Variants in PRSS23 observed in about 807,000 individuals in gnomAD.
PRSS23 encodes serine protease 23.
Under a neutral mutation model 34.7 loss-of-function variants are expected in PRSS23, and 25 were observed. The ratio of observed to expected loss-of-function variants is 0.72; its 90% confidence interval spans 0.53 to 1.01. The LOEUF (loss-of-function observed/expected upper bound fraction) is 1.01, where lower values mean the gene tolerates loss of function less well. PRSS23 is among the 50% of genes least tolerant of loss of function. The pLI is 0.00. For missense variants in PRSS23, 445 were observed against 475.6 expected (o/e 0.94, Z 0.60); for synonymous variants, 176 against 186.6 (o/e 0.94, Z 0.46).
intron 2 of PRSS23, among the ~76,000 whole-genome samples, chr11:86,895,447 T>C (rs1481748109): frequency 6.6e-6 from 1 of 151,912 alleles, no homozygotes; most frequent in African/African-American, 2.4e-5. Context: ...AATATCTGGA[T>C]TTTTTACTGT....
At chr11:86,831,963 G>A (rs960697902) in intron 2 of PRSS23, among the ~76,000 whole-genome samples, 26 of 151,556 alleles carry the variant, frequency 1.7e-4, no homozygotes, top group East Asian at 7.8e-4. Context: ...GATATTATTC[G>A]TAATATCCTA....
intron 1 of PRSS23, chr11:86,821,581 G>A (rs1391923606): frequency 3.1e-5 from 50 of 1,608,534 alleles, no homozygotes; most frequent in Non-Finnish European, 3.2e-5. Context: ...CAACAAGTCC[G>A]TTTAGCTCAA....
intron 2 of PRSS23, among the ~76,000 whole-genome samples, chr11:86,862,567 A>T (rs942795001): frequency 2.0e-5 from 3 of 151,716 alleles, no homozygotes; most frequent in African/African-American, 7.3e-5. Flanking sequence ...CCCAATATCC[A>T]AGGAGAATGC....
intron 2 of PRSS23, among the ~76,000 whole-genome samples, chr11:86,859,014 G>A (rs139119839): frequency 1.0e-3 from 155 of 151,600 alleles, no homozygotes; most frequent in African/African-American, 3.6e-3. Context: ...TCCCAATATC[G>A]CAGGGGTGTA....
intron 2 of PRSS23, among the ~76,000 whole-genome samples, chr11:86,916,151 A>G (rs771261821): frequency 6.6e-6 from 1 of 152,218 alleles, no homozygotes; most frequent in Non-Finnish European, 1.5e-5. Flanking sequence ...GCATACAAAT[A>G]TAATATTTAA....
At position 86,855,630 on chromosome 11, in the gene PRSS23, G is replaced by T. The variant is rs544302522; in HGVS notation, c.206+32037G>T. Reference sequence around the variant, plus strand: ...GCTGCCTCAGCCTCCCAAGTAGCTGGGACTGCAGGCATGCACCAGCACACC... The same window carrying T: ...GCTGCCTCAGCCTCCCAAGTAGCTGTGACTGCAGGCATGCACCAGCACACC... On this transcript the variant is annotated intron_variant, in intron 2 of 2. Coordinates refer to the PRSS23 transcript ENST00000533902. 6.6e-5 allele frequency among the ~76,000 whole-genome samples: 10 copies of T among 152,216 alleles called. No homozygotes were observed. The South Asian group carries it at 1.5e-3, about 22-fold the overall frequency.
intron 2 of PRSS23, among the ~76,000 whole-genome samples, chr11:86,918,962 C>G (rs1949031154): frequency 6.6e-6 from 1 of 152,182 alleles, no homozygotes; most frequent in African/African-American, 2.4e-5. Flanking sequence ...TAGTGGGAGT[C>G]AGGCCAAAGA....
chr11:86,840,463 A>T (rs1366688902), intron 2 of PRSS23, among the ~76,000 whole-genome samples: 1 of 152,228 alleles, frequency 6.6e-6, no homozygotes, highest in Non-Finnish European at 1.5e-5. Context: ...CTAGATTCAT[A>T]AAGCAAGTCC....
chr11:86,846,146 C>T (rs1317732101), intron 2 of PRSS23, among the ~76,000 whole-genome samples: 1 of 152,140 alleles, frequency 6.6e-6, no homozygotes, highest in Non-Finnish European at 1.5e-5. Flanking sequence ...ACAACTTTTT[C>T]TCTCTCTCGG....
chr11:86,852,732 T>C (rs1454689771), intron 2 of PRSS23, among the ~76,000 whole-genome samples: 1 of 152,188 alleles, frequency 6.6e-6, no homozygotes, highest in East Asian at 1.9e-4. Flanking sequence ...AAGGGACCCA[T>C]TAACCAAACT....
At chr11:86,843,538 TA>T (rs1342898419) in intron 2 of PRSS23, among the ~76,000 whole-genome samples, 1 of 152,124 alleles carries the variant, frequency 6.6e-6, no homozygotes, top group African/African-American at 2.4e-5. Flanking sequence ...AAAGGGCTAA[TA>T]TCCAGAATCT....
At chr11:86,829,553 G>A (rs1338908288) in intron 2 of PRSS23, among the ~76,000 whole-genome samples, 1 of 152,204 alleles carries the variant, frequency 6.6e-6, no homozygotes, top group Non-Finnish European at 1.5e-5. Context: ...CTTTGGAGGA[G>A]GAGAGGTGCT....
chr11:86,826,602 C>G (rs1249884784), intron 2 of PRSS23, among the ~76,000 whole-genome samples: 1 of 152,172 alleles, frequency 6.6e-6, no homozygotes, highest in African/African-American at 2.4e-5. Flanking sequence ...CAATTTCTGC[C>G]CATTCAGTAT....
rs1555071072 is a variant in PRSS23 at position 86,824,370 on chromosome 11, T to TAAATA, written c.206+786_206+790dup. On this transcript the variant is annotated intron_variant, in intron 2 of 2. Coordinates refer to the PRSS23 transcript ENST00000533902. ...TAAAATAAAATAAAATAAAATAAAA[T>TAAATA]AAATAAAATAAAAAAACAAAATGGA... is the stretch of plus-strand genomic sequence containing the variant. 6.0e-3 allele frequency among the ~76,000 whole-genome samples: 572 copies of TAAATA among 94,688 alleles called. 4 individuals carry two copies. Among genetic ancestry groups the TAAATA allele is most frequent in the African/African-American group, 0.028 (556 of 19,820 alleles). The allele number at this position is 94,688 out of a possible 152,430, so 62.1% of individuals were successfully genotyped here. A position where few individuals can be genotyped will look rare whatever the true frequency, so the allele number is the denominator to read the frequency against.
At chr11:86,859,431 G>A (rs535709034) in intron 2 of PRSS23, among the ~76,000 whole-genome samples, 19 of 152,050 alleles carry the variant, frequency 1.2e-4, no homozygotes, top group South Asian at 6.2e-4. Context: ...ATCCAAAGGG[G>A]AAGAGGCTTA....
intron 1 of PRSS23, among the ~76,000 whole-genome samples, chr11:86,801,298 CT>C (rs1948034952): frequency 6.6e-6 from 1 of 152,184 alleles, no homozygotes; most frequent in East Asian, 1.9e-4. Flanking sequence ...CACGAGTTAA[CT>C]TTTAAATAAA....
intron 2 of PRSS23, chr11:86,937,345 G>A (rs2135022319): frequency 6.6e-6 from 1 of 152,282 alleles, no homozygotes; most frequent in South Asian, 2.1e-4. Flanking sequence ...TTTAAAGCAT[G>A]GCTCCCCTAA....
intron 2 of PRSS23, among the ~76,000 whole-genome samples, chr11:86,905,912 G>C (rs960198011): frequency 1.1e-4 from 16 of 152,204 alleles, no homozygotes; most frequent in Non-Finnish European, 1.9e-4. Flanking sequence ...CAAATGGAGT[G>C]AACAAAGAAG....
chr11:86,821,887 G>A (rs113976551), intron 1 of PRSS23, among the ~76,000 whole-genome samples: 2 of 152,086 alleles, frequency 1.3e-5, no homozygotes, highest in African/African-American at 4.8e-5. Flanking sequence ...GAAGTAAAAT[G>A]GATGTATTAA....
Sources: allele counts gnomAD v4.1 joint callset (sites outside exome capture counted in the v4.1 genomes callset), GRCh38; gene constraint gnomAD v4.1.1; transcripts MANE v1.5; gene names NCBI Gene and HGNC (gene_info 2026-07-23, HGNC 2026-07-21).